DDX4: variants seen among roughly 807,000 people sequenced by gnomAD.
The protein encoded by DDX4 is probable ATP-dependent RNA helicase DDX4.
Under a neutral mutation model 100.0 loss-of-function variants are expected in DDX4, and 25 were observed. The observed-to-expected ratio is 0.25, with a 90% CI of 0.18 to 0.35. The LOEUF (loss-of-function observed/expected upper bound fraction) is 0.35. Ranked by LOEUF, DDX4 falls within the 10% of genes least tolerant of loss-of-function variation. The probability of loss-of-function intolerance (pLI) is 1.00; values close to 1 mark genes in which losing one functional copy is unlikely to be tolerated. For missense variants in DDX4, 635 were observed against 882.4 expected (o/e 0.72, Z 3.55); for synonymous variants, 259 against 275.7 (o/e 0.94, Z 0.60).
chr5:55,770,443 T>C (rs1330638024), intron 7 of DDX4, among the ~76,000 whole-genome samples: 1 of 152,224 alleles, frequency 6.6e-6, no homozygotes, highest in Non-Finnish European at 1.5e-5. Flanking sequence ...TATCAAAAAT[T>C]ACCATGCTTA....
At chr5:55,774,111 C>G (rs1471081462) in intron 7 of DDX4, among the ~76,000 whole-genome samples, 1 of 151,584 alleles carries the variant, frequency 6.6e-6, no homozygotes, top group East Asian at 1.9e-4. Context: ...CATCAGCTAC[C>G]TGATTTGCAA....
At chr5:55,787,339 A>G (rs1742306696) in intron 14 of DDX4, among the ~76,000 whole-genome samples, 1 of 152,218 alleles carries the variant, frequency 6.6e-6, no homozygotes, top group African/African-American at 2.4e-5. Flanking sequence ...TTATTTGCTT[A>G]AATGAGAAAA....
chr5:55,782,103 G>A, intron 10 of DDX4, 122 bp downstream of exon 10: 1 of 1,107,812 alleles, frequency 9.0e-7, no homozygotes, highest in Non-Finnish European at 1.3e-6. Context: ...AACTGTTATT[G>A]CTTTTATACA....
At chr5:55,815,660 T>G (rs1744355579) in intron 21 of DDX4, among the ~76,000 whole-genome samples, 1 of 152,216 alleles carries the variant, frequency 6.6e-6, no homozygotes, top group Non-Finnish European at 1.5e-5. Context: ...TTTTAAATTT[T>G]AATTTGGAAT....
intron 3 of DDX4, among the ~76,000 whole-genome samples, chr5:55,754,613 A>G (rs1435966654): frequency 4.0e-5 from 6 of 151,602 alleles, no homozygotes; most frequent in East Asian, 1.9e-4. Flanking sequence ...ATGTTCATCA[A>G]GGATATTGGT....
At chr5:55,812,562 C>T (rs901441283) in intron 18 of DDX4, among the ~76,000 whole-genome samples, 2 of 151,342 alleles carry the variant, frequency 1.3e-5, no homozygotes, top group Non-Finnish European at 2.9e-5. Flanking sequence ...CACTGCACTC[C>T]AGCCTGGGCA....
At chr5:55,793,872 T>C (rs1184250231) in intron 17 of DDX4, among the ~76,000 whole-genome samples, 1 of 152,222 alleles carries the variant, frequency 6.6e-6, no homozygotes, top group Non-Finnish European at 1.5e-5. Flanking sequence ...GTGCAGTATA[T>C]ATATTACCTG....
chr5:55,782,024 G>A, intron 10 of DDX4, 43 bp downstream of exon 10: 1 of 1,606,818 alleles, frequency 6.2e-7, no homozygotes, highest in Non-Finnish European at 8.5e-7. Context: ...TAAAATCATT[G>A]TATTCCAAAT....
intron 2 of DDX4, among the ~76,000 whole-genome samples, chr5:55,739,306 C>T (rs998410583): frequency 4.6e-5 from 7 of 152,152 alleles, no homozygotes; most frequent in East Asian, 1.9e-4. Flanking sequence ...TGAAAGCAAA[C>T]TTGGGCAAAT....
intron 11 of DDX4, 26 bp from the exon 12 acceptor site, chr5:55,785,421 C>G (rs749073333): frequency 6.3e-7 from 1 of 1,598,532 alleles, no homozygotes; most frequent in Non-Finnish European, 8.5e-7. Flanking sequence ...AAACATGTAT[C>G]TCTTTTTTAT....
chr5:55,760,657 A>T (rs566572303), intron 4 of DDX4, among the ~76,000 whole-genome samples: 1 of 152,288 alleles, frequency 6.6e-6, no homozygotes, highest in East Asian at 1.9e-4. Flanking sequence ...TATATTTTTC[A>T]AGAAAAGGCA....
At chr5:55,756,916 A>G (rs1759972781) in intron 3 of DDX4, among the ~76,000 whole-genome samples, 1 of 152,160 alleles carries the variant, frequency 6.6e-6, no homozygotes, top group Non-Finnish European at 1.5e-5. Flanking sequence ...CGTGATATAT[A>G]TCAATGACAG....
At chr5:55,755,305 A>AT (rs1759855827) in intron 3 of DDX4, among the ~76,000 whole-genome samples, 1 of 152,134 alleles carries the variant, frequency 6.6e-6, no homozygotes. Context: ...ACTAATAGTT[A>AT]TTTTTTAAAA....
chr5:55,815,227 A>G (rs536761103), intron 20 of DDX4, 56 bp downstream of exon 20: 2 of 1,601,420 alleles, frequency 1.2e-6, no homozygotes, highest in East Asian at 4.5e-5. Flanking sequence ...TGTTGAAAGT[A>G]GACATTTTAT....
At chr5:55,785,979 TA>T in intron 13 of DDX4, 108 bp downstream of exon 13, 2 of 708,240 alleles carry the variant, frequency 2.8e-6, no homozygotes, top group Non-Finnish European at 4.7e-6. Flanking sequence ...ACCTTTCGTA[TA>T]TAAGGTCTTA....
chr5:55,806,649 T>G (rs868552669), intron 18 of DDX4, among the ~76,000 whole-genome samples: 6 of 152,376 alleles, frequency 3.9e-5, no homozygotes, highest in Non-Finnish European at 7.3e-5. Flanking sequence ...GTGAGTTTCT[T>G]AATCCTGAGT....
chr5:55,775,329 T>C (rs1032171152), intron 7 of DDX4, among the ~76,000 whole-genome samples: 8 of 152,240 alleles, frequency 5.3e-5, no homozygotes, highest in African/African-American at 1.9e-4. Context: ...AGTTATCTGT[T>C]TGAGTCCCTG....
chr5:55,789,680 T>A (rs1434175931), intron 15 of DDX4, among the ~76,000 whole-genome samples: 4 of 152,174 alleles, frequency 2.6e-5, no homozygotes, highest in Non-Finnish European at 5.9e-5. Context: ...GCAGGGTCCT[T>A]TGTTGTAAAA....
At chr5:55,795,196 C>A (rs1460711963) in intron 17 of DDX4, among the ~76,000 whole-genome samples, 1 of 152,052 alleles carries the variant, frequency 6.6e-6, no homozygotes, top group Non-Finnish European at 1.5e-5. Context: ...AACTCCTGAC[C>A]TCAGCTGATC....
Sources: allele counts gnomAD v4.1 joint callset (sites outside exome capture counted in the v4.1 genomes callset), GRCh38; gene constraint gnomAD v4.1.1; transcripts MANE v1.5; gene names NCBI Gene and HGNC (gene_info 2026-07-23, HGNC 2026-07-21).